Variants in MYEF2 observed in about 807,000 individuals in gnomAD.
MYEF2 encodes myelin gene expression factor 2.
A neutral mutation model predicts 75.2 loss-of-function variants in MYEF2; 37 were observed. The ratio of observed to expected loss-of-function variants is 0.49; its 90% CI spans 0.38 to 0.65. The LOEUF is 0.65. Among genes scored for constraint, MYEF2 ranks in the 30% least tolerant of loss-of-function variants. MYEF2 has a pLI of 0.00. For synonymous variants in MYEF2, 195 were observed against 241.6 expected (o/e 0.81, Z 1.79); for missense variants, 634 against 771.4 (o/e 0.82, Z 2.11).
At position 48,138,980 on chromosome 15, in the gene MYEF2, GT is replaced by G; in HGVS notation, c.*3927del. ...TTTTTCCACAACAGATCCACCAAGT[GT>G]TTTCAACATGCCTGAAGCAGACTTA... On this transcript the variant is annotated 3_prime_UTR_variant, in exon 17 of 17. Coordinates refer to ENST00000324324, the MANE Select transcript of MYEF2 (RefSeq NM_016132.5). The G allele has an allele frequency of 6.2e-7, 1 of 1,611,824 alleles. No homozygotes were observed. The highest frequency in any genetic ancestry group is 8.5e-7 in the Non-Finnish European group (1 of 1,178,762).
intron 16 of MYEF2, among the ~76,000 whole-genome samples, chr15:48,147,982 C>T (rs2039352291): frequency 6.6e-6 from 1 of 151,944 alleles, no homozygotes; most frequent in South Asian, 2.1e-4. Context: ...ACAATTCTTG[C>T]CTTCAAGAGC....
chr15:48,174,696 A>C (rs1322787722), intron 1 of MYEF2, among the ~76,000 whole-genome samples: 1 of 152,146 alleles, frequency 6.6e-6, no homozygotes, highest in Non-Finnish European at 1.5e-5. Flanking sequence ...AAAGGTGCTC[A>C]ATATCACTGT....
intron 10 of MYEF2, chr15:48,152,570 C>T (rs2039532683): frequency 3.0e-6 from 1 of 329,970 alleles, no homozygotes; most frequent in Non-Finnish European, 5.5e-6. Context: ...TAATCATTCA[C>T]TTTTTTTTCC....
At chr15:48,162,251 G>T (rs560723612) in intron 5 of MYEF2, among the ~76,000 whole-genome samples, 80 of 152,142 alleles carry the variant, frequency 5.3e-4, no homozygotes, top group African/African-American at 1.8e-3. Flanking sequence ...CATTACTAAA[G>T]CTAACGTTTA....
chr15:48,146,488 G>C (rs574794795), intron 16 of MYEF2, among the ~76,000 whole-genome samples: 3 of 151,970 alleles, frequency 2.0e-5, no homozygotes, highest in Admixed American at 2.0e-4. Context: ...TACAAAGGCT[G>C]AGAAAATGTT....
At chr15:48,155,637 C>T (rs2039665053) in intron 9 of MYEF2, among the ~76,000 whole-genome samples, 1 of 150,984 alleles carries the variant, frequency 6.6e-6, no homozygotes, top group South Asian at 2.1e-4. Flanking sequence ...CAAAGAATCA[C>T]ACTCACATAT....
At chr15:48,167,314 T>A in intron 3 of MYEF2, 35 bp downstream of exon 3, 1 of 1,606,570 alleles carries the variant, frequency 6.2e-7, no homozygotes, top group South Asian at 1.1e-5. Flanking sequence ...GAGGAACTTT[T>A]AAACCTCAAG....
At chr15:48,176,870 T>C (rs1340269552) in intron 1 of MYEF2, among the ~76,000 whole-genome samples, 1 of 152,076 alleles carries the variant, frequency 6.6e-6, no homozygotes, top group African/African-American at 2.4e-5. Flanking sequence ...TTCCAATCTC[T>C]TATACCTGCA....
In MYEF2 at chr15:48,153,841, A is replaced by G. The variant is rs758251673; in HGVS notation, c.1038T>C (p.Ser346=). The stretch of plus-strand genomic sequence containing the variant: ...CTCCACCTATGTTCAACTGGCTGGC[A>G]CTAATAGGCTGTCCACCCGGACCAA... ...MGLGPGGQPI[S]ASQLNIGGVM... Residue 346 remains serine (S), a synonymous_variant, in exon 10 of 17, where the codon AGT becomes AGC. Transcript: ENST00000324324. 2 of 1,613,510 alleles carry G rather than the reference A, an allele frequency of 1.2e-6. No homozygotes were observed. The highest frequency in any genetic ancestry group is 1.7e-6 in the Non-Finnish European group (2 of 1,179,614).
Position 48,158,191 on chromosome 15 carries a change from G to A in MYEF2, c.905C>T (p.Pro302Leu). 1 of 1,612,962 alleles carries A rather than the reference G, an allele frequency of 6.2e-7. No homozygotes were observed. The highest frequency in any genetic ancestry group is 1.1e-5 in the South Asian group (1 of 91,008). ...MFNGQFLFDR[P>L]MHVKMDDKSV... is the part of the protein sequence containing the mutation. ...GGAACTCACCATTTTCACATGCATA[G>A]GTCTATCAAATAAAAACTGCCCATT... Residue 302 changes from proline to leucine, a missense_variant, in exon 8 of 17, where the codon CCT becomes CTT. Transcript: ENST00000324324.
chr15:48,157,989 TTAC>T lies in MYEF2; in HGVS notation c.985+1_985+3del. Reference sequence around the variant, plus strand: ...TGTTGTTTCTCATAATAGCTTTTACTTACGTGGTAATTGTGGTGTTTTACCATC... The same window carrying T: ...TGTTGTTTCTCATAATAGCTTTTACTGTGGTAATTGTGGTGTTTTACCATC... On this transcript the variant is annotated splice_donor_variant and splice_donor_region_variant and intron_variant, in intron 9 of 16. Coordinates refer to ENST00000324324, the MANE Select transcript of MYEF2 (RefSeq NM_016132.5). LOFTEE classifies it high-confidence loss of function. The T allele has an allele frequency of 6.2e-7, 1 of 1,612,932 alleles. No homozygotes were observed. Among genetic ancestry groups the T allele is most frequent in the Non-Finnish European group, 8.5e-7 (1 of 1,179,240 alleles).
In MYEF2 at chr15:48,140,660, T is replaced by G. The variant is rs2039042288; in HGVS notation, c.*2248A>C. On this transcript the variant is annotated 3_prime_UTR_variant, in exon 17 of 17. Transcript: ENST00000324324. ...ACTAAATTAAGGTATATCACTAAAG[T>G]AGAACATAATAAATGGTATATATAC... 1 of 150,956 alleles carries G rather than the reference T, an allele frequency of 6.6e-6. No individual in the cohort carries two copies. The highest frequency in any genetic ancestry group is 2.5e-5 in the African/African-American group (1 of 40,602). The allele number at this position is 150,956 out of a possible 1,614,324, so 9.4% of individuals were successfully genotyped here. A position where few individuals can be genotyped will look rare whatever the true frequency, so the allele number is the denominator to read the frequency against.
chr15:48,165,202 A>C (rs1233101963), intron 5 of MYEF2, among the ~76,000 whole-genome samples: 1 of 152,178 alleles, frequency 6.6e-6, no homozygotes, highest in East Asian at 1.9e-4. Context: ...TACACTATTT[A>C]TCTCTTTTAA....
rs2470103 is a variant in MYEF2, at chr15:48,151,502, C to T, written c.1277G>A (p.Arg426Gln). Residue 426 changes from arginine to glutamine, a missense_variant, in exon 13 of 17, where the codon CGA becomes CAA. Coordinates refer to ENST00000324324, the MANE Select transcript of MYEF2 (RefSeq NM_016132.5). The stretch of plus-strand genomic sequence containing the variant: ...TCTACCAAAGGAATCTCCAAAGCCT[C>T]GATTTATTCCAATATCACCACGTCC... ...DFGRGDIGINRGFGDSFGRLG... is the reference protein window; with the variant it reads ...DFGRGDIGINQGFGDSFGRLG... 7.0e-4 allele frequency: 1,136 copies of T among 1,612,872 alleles called. 1 individual carries two copies. Among genetic ancestry groups the T allele is most frequent in the Non-Finnish European group, 8.5e-4 (997 of 1,179,180 alleles).
chr15:48,166,085 A>G (rs2040122454), intron 4 of MYEF2, 36 bp downstream of exon 4: 1 of 1,580,788 alleles, frequency 6.3e-7, no homozygotes, highest in East Asian at 2.2e-5. Context: ...CCAAAGTTTA[A>G]TTTGACTTAA....
chr15:48,136,685 A>G lies in MYEF2; in HGVS notation c.*6223T>C. On this transcript the variant is annotated 3_prime_UTR_variant, in exon 17 of 17. Transcript: ENST00000324324. ...AAACACAAATTTCTCTTTTGTAGGT[A>G]TGAAGGGGCTTTACTGCTTTTGATA... is the stretch of plus-strand genomic sequence containing the variant. The G allele has an allele frequency of 6.3e-7, 1 of 1,599,884 alleles. No individual in the cohort carries two copies. The highest frequency in any genetic ancestry group is 2.2e-5 in the East Asian group (1 of 44,652).
In MYEF2 at chr15:48,136,587, T is replaced by C; in HGVS notation, c.*6321A>G. On this transcript the variant is annotated 3_prime_UTR_variant, in exon 17 of 17. Transcript: ENST00000324324. Reference sequence around the variant, plus strand: ...AATGTTTGATTGTTCTATGGCTACTTTTGTTAGAAAATCATTCAATAGATA... The same window carrying C: ...AATGTTTGATTGTTCTATGGCTACTCTTGTTAGAAAATCATTCAATAGATA... The C allele has an allele frequency of 8.4e-7, 1 of 1,183,538 alleles. No individual in the cohort carries two copies. Among genetic ancestry groups the C allele is most frequent in the Non-Finnish European group, 1.2e-6 (1 of 846,178 alleles). 73.3% of individuals were successfully genotyped at this position (1,183,538 alleles called of 1,614,324 possible). A position where few individuals can be genotyped will look rare whatever the true frequency, so the allele number is the denominator to read the frequency against.
chr15:48,158,702 G>T (rs571771657), intron 7 of MYEF2, 67 bp downstream of exon 7: 8 of 1,578,120 alleles, frequency 5.1e-6, no homozygotes, highest in Non-Finnish European at 6.9e-6. Context: ...ATTACCCCCC[G>T]CCAAAACAAA....
rs749316482 is a variant in MYEF2, at chr15:48,143,036, C to T, written c.1675G>A (p.Gly559Arg). The T allele has an allele frequency of 1.9e-6, 3 of 1,576,200 alleles. No homozygotes were observed. Among genetic ancestry groups the T allele is most frequent in the Non-Finnish European group, 2.6e-6 (3 of 1,164,766 alleles). The change falls in exon 17 of 17, where the codon GGA becomes AGA. Residue 559 changes from glycine to arginine, a missense_variant. Gly to Arg is a moderately radical substitution (Grantham distance 125). Transcript: ENST00000324324. ...ACTGTTCCACAGCCTTTTGACTTTCCATTCTCCATTTTTATTTCTGCAAAC... is the reference window on the plus strand; with the variant it reads ...ACTGTTCCACAGCCTTTTGACTTTCTATTCTCCATTTTTATTTCTGCAAAC... The part of the protein sequence containing the change: ...VMFAEIKMEN[G>R]KSKGCGTVRF...
Sources: gnomAD v4.1 joint callset for allele counts (sites outside exome capture counted in the v4.1 genomes callset) on GRCh38, gnomAD v4.1.1 for gene constraint, MANE v1.5 for transcripts, NCBI Gene and HGNC (gene_info 2026-07-23, HGNC 2026-07-21) for gene names.